KCMF1: variants seen among roughly 807,000 people sequenced by gnomAD.
The protein encoded by KCMF1 is E3 ubiquitin-protein ligase KCMF1.
KCMF1 carries 3 observed loss-of-function variants against 41.1 expected under a neutral mutation model. The observed-to-expected ratio is 0.07, with a 90% confidence interval of 0.03 to 0.19. The LOEUF is 0.19. Among genes scored for constraint, KCMF1 ranks in the 10% least tolerant of loss-of-function variants. The probability of loss-of-function intolerance (pLI) is 1.00; values close to 1 mark genes in which losing one functional copy is unlikely to be tolerated. For synonymous variants in KCMF1, 142 were observed against 164.5 expected (o/e 0.86, Z 1.04); for missense variants, 286 against 488.9 (o/e 0.58, Z 3.91).
At chr2:85,039,919 T>G (rs1315641648) in intron 3 of KCMF1, among the ~76,000 whole-genome samples, 1 of 152,018 alleles carries the variant, frequency 6.6e-6, no homozygotes, top group Non-Finnish European at 1.5e-5. Flanking sequence ...TTCAAGCAAT[T>G]CTCCTGCCTC....
chr2:84,988,107 C>T (rs755845435), intron 1 of KCMF1, among the ~76,000 whole-genome samples: 2 of 152,058 alleles, frequency 1.3e-5, no homozygotes, highest in Non-Finnish European at 2.9e-5. Flanking sequence ...TGGCGCATGC[C>T]TGTAATCCCA....
At chr2:84,989,264 A>T (rs2103975076) in intron 1 of KCMF1, among the ~76,000 whole-genome samples, 1 of 152,332 alleles carries the variant, frequency 6.6e-6, no homozygotes, top group Middle Eastern at 3.4e-3. Context: ...TACCAGATAT[A>T]GTGGAAAAAA....
intron 1 of KCMF1, among the ~76,000 whole-genome samples, chr2:85,020,462 T>C (rs1674903504): frequency 6.6e-6 from 1 of 152,190 alleles, no homozygotes; most frequent in Non-Finnish European, 1.5e-5. Flanking sequence ...AGGGTCTCAC[T>C]CTGGCACCCA....
In KCMF1 at chr2:85,032,086, T is replaced by C. The variant is rs184015246; in HGVS notation, c.185-2930T>C. Among the ~76,000 whole-genome samples the C allele has an allele frequency of 8.9e-3, 1,353 of 151,324 alleles. 8 individuals are homozygous for C. Among genetic ancestry groups the C allele is most frequent in the Non-Finnish European group, 0.015 (1,036 of 67,792 alleles). ...TCATTGCAACCATATAGACAAACAA[T>C]TGATTTTTTTTTTCATATAGATCTC... On this transcript the variant is annotated intron_variant, in intron 2 of 6. Transcript: ENST00000409785.
chr2:85,003,910 G>T (rs907446000), intron 1 of KCMF1, among the ~76,000 whole-genome samples: 4 of 152,186 alleles, frequency 2.6e-5, no homozygotes, highest in African/African-American at 9.6e-5. Context: ...CCTTACAGTA[G>T]TCACCCTTTA....
At chr2:85,013,012 C>T (rs1293431711) in intron 1 of KCMF1, among the ~76,000 whole-genome samples, 1 of 152,076 alleles carries the variant, frequency 6.6e-6, no homozygotes, top group Non-Finnish European at 1.5e-5. Flanking sequence ...AGTGTCTTAG[C>T]GAGGATTTCA....
chr2:85,009,351 G>C (rs1674597679), intron 1 of KCMF1, among the ~76,000 whole-genome samples: 1 of 152,148 alleles, frequency 6.6e-6, no homozygotes, highest in Admixed American at 6.5e-5. Flanking sequence ...CTGTGAGTCA[G>C]TCAAACCTCT....
intron 2 of KCMF1, among the ~76,000 whole-genome samples, chr2:85,034,725 G>A (rs530712039): frequency 1.4e-4 from 22 of 152,232 alleles, no homozygotes; most frequent in African/African-American, 5.3e-4. Flanking sequence ...AAGTTCAAGC[G>A]ATTCTCCTGG....
At chr2:84,984,219 A>G (rs1201766426) in intron 1 of KCMF1, among the ~76,000 whole-genome samples, 2 of 152,016 alleles carry the variant, frequency 1.3e-5, no homozygotes, top group African/African-American at 4.8e-5. Context: ...AAGTAAATAA[A>G]TAATAGAAGT....
rs534918970 is a variant in KCMF1, at chr2:85,050,460, T to C, written c.884+812T>C. Among the ~76,000 whole-genome samples, 3 of 152,302 alleles carry C rather than the reference T, an allele frequency of 2.0e-5. No individual in the cohort carries two copies. In the East Asian group the frequency reaches 5.8e-4, roughly 29 times the overall value. On this transcript the variant is annotated intron_variant, in intron 6 of 6. Coordinates refer to ENST00000409785, the MANE Select transcript of KCMF1 (RefSeq NM_020122.5). Reference sequence around the variant, plus strand: ...ATGGCTTCCTATGGTATAAATAATATTTAGTAAAACAGTAAACTACTCTAC... The same window carrying C: ...ATGGCTTCCTATGGTATAAATAATACTTAGTAAAACAGTAAACTACTCTAC...
At chr2:85,007,944 G>A (rs543063379) in intron 1 of KCMF1, among the ~76,000 whole-genome samples, 37 of 152,006 alleles carry the variant, frequency 2.4e-4, no homozygotes, top group African/African-American at 8.7e-4. Context: ...TGTATTTTTA[G>A]TAGAGATGGG....
intron 1 of KCMF1, among the ~76,000 whole-genome samples, chr2:84,986,745 G>A (rs555853030): frequency 6.6e-6 from 1 of 152,166 alleles, no homozygotes; most frequent in East Asian, 1.9e-4. Context: ...AGCCAGGCGT[G>A]GTGGTGGGCA....
intron 1 of KCMF1, among the ~76,000 whole-genome samples, chr2:85,017,118 G>A (rs527808613): frequency 4.2e-4 from 62 of 146,406 alleles, no homozygotes; most frequent in African/African-American, 1.6e-3. Flanking sequence ...TCCGCTTCCC[G>A]GGTTCACGCC....
intron 3 of KCMF1, 44 bp downstream of exon 3, chr2:85,035,199 T>C (rs1459055644): frequency 1.9e-6 from 3 of 1,542,266 alleles, no homozygotes; most frequent in Non-Finnish European, 1.8e-6. Context: ...TGTTGTAAAG[T>C]ATATTATTTC....
chr2:85,046,299 T>C, intron 5 of KCMF1, 21 bp downstream of exon 5: 1 of 1,596,582 alleles, frequency 6.3e-7, no homozygotes. Flanking sequence ...TTCACATTAA[T>C]AAGGGAAATG....
At chr2:85,028,384 C>T (rs1257358126) in intron 2 of KCMF1, among the ~76,000 whole-genome samples, 9 of 151,362 alleles carry the variant, frequency 5.9e-5, no homozygotes, top group Non-Finnish European at 1.3e-4. Context: ...AGGGTTTCAC[C>T]ACGTTGGCCA....
chr2:85,033,751 G>T (rs1212757872), intron 2 of KCMF1, among the ~76,000 whole-genome samples: 1 of 152,142 alleles, frequency 6.6e-6, no homozygotes, highest in Non-Finnish European at 1.5e-5. Context: ...ATGAGCTTTG[G>T]TGGGGACAAA....
intron 1 of KCMF1, among the ~76,000 whole-genome samples, chr2:84,972,948 A>G (rs1673442622): frequency 6.6e-6 from 1 of 152,240 alleles, no homozygotes; most frequent in African/African-American, 2.4e-5. Context: ...GTAGGAAGCT[A>G]TGCCTCTTTT....
intron 1 of KCMF1, among the ~76,000 whole-genome samples, chr2:85,002,476 G>A (rs1456223208): frequency 6.6e-6 from 1 of 152,148 alleles, no homozygotes; most frequent in East Asian, 1.9e-4. Flanking sequence ...GTAGTATAGA[G>A]ACTTCCCATA....
Sources: gnomAD v4.1 joint callset for allele counts (sites outside exome capture counted in the v4.1 genomes callset) on GRCh38, gnomAD v4.1.1 for gene constraint, MANE v1.5 for transcripts, NCBI Gene and HGNC (gene_info 2026-07-23, HGNC 2026-07-21) for gene names.